Variants in FAT4 observed in about 807,000 individuals in gnomAD.
The protein encoded by FAT4 is FAT atypical cadherin 4.
FAT4 carries 84 observed loss-of-function variants against 303.9 expected under a neutral mutation model. That is an observed-to-expected ratio of 0.28 (90% CI 0.23 to 0.33). The LOEUF is 0.33. FAT4 is among the 10% of genes least tolerant of loss of function. The probability of loss-of-function intolerance (pLI) is 1.00; values close to 1 mark genes in which losing one functional copy is unlikely to be tolerated. For missense variants in FAT4, 6,005 were observed against 6,146.8 expected (o/e 0.98, Z 0.77); for synonymous variants, 2,307 against 2,298.8 (o/e 1.00, Z -0.10).
At position 125,492,736 on chromosome 4, in the gene FAT4, C is replaced by A. The variant is rs988870927; in HGVS notation, c.*968C>A. 1 of 152,298 alleles carries A rather than the reference C, an allele frequency of 6.6e-6. No individual in the cohort carries two copies. Among genetic ancestry groups the A allele is most frequent in the Non-Finnish European group, 1.5e-5 (1 of 67,972 alleles). The allele number at this position is 152,298 out of a possible 1,614,324, so 9.4% of individuals were successfully genotyped here. On this transcript the variant is annotated 3_prime_UTR_variant, in exon 18 of 18. Coordinates refer to ENST00000394329, the MANE Select transcript of FAT4 (RefSeq NM_001291303.3). ...AAATACTGTGTAAAAACTTTTTTTACACCTAAGCTGTGTTTTTGATACTGA... is the reference window on the plus strand; with the variant it reads ...AAATACTGTGTAAAAACTTTTTTTAAACCTAAGCTGTGTTTTTGATACTGA...
intron 2 of FAT4, among the ~76,000 whole-genome samples, chr4:125,368,237 A>C (rs916894060): frequency 2.6e-5 from 4 of 152,072 alleles, no homozygotes; most frequent in Non-Finnish European, 4.4e-5. Flanking sequence ...GAAATAAAGC[A>C]TTTGATTGAA....
At position 125,451,815 on chromosome 4, in the gene FAT4, T is replaced by G; in HGVS notation, c.10805T>G (p.Val3602Gly). Reference sequence around the variant, plus strand: ...CCTCAAATGTCTTCCACAGGAACTGTGCATATCACAGTTATAGACCAAAAT... The same window carrying G: ...CCTCAAATGTCTTCCACAGGAACTGGGCATATCACAGTTATAGACCAAAAT... ...GVPQMSSTGT[V>G]HITVIDQNDN... The change falls in exon 10 of 18, where the codon GTG (valine) becomes GGG (glycine). Residue 3602 changes from valine (V) to glycine (G), a missense_variant. Transcript: ENST00000394329. The G allele has an allele frequency of 6.2e-7, 1 of 1,614,178 alleles. No homozygotes were observed. The highest frequency in any genetic ancestry group is 8.5e-7 in the Non-Finnish European group (1 of 1,180,016).
At chr4:125,471,895 CAAAAAAAAAAAAAAA>C (rs60730341) in intron 12 of FAT4, among the ~76,000 whole-genome samples, 8 of 56,118 alleles carry the variant, frequency 1.4e-4, no homozygotes, top group South Asian at 1.1e-3. Flanking sequence ...ACTAAAAATA[CAAAAAAAAAAAAAAA>C]AAAAAAAAAA....
intron 16 of FAT4, among the ~76,000 whole-genome samples, chr4:125,484,309 G>T (rs1163160554): frequency 6.6e-6 from 1 of 152,084 alleles, no homozygotes; most frequent in Non-Finnish European, 1.5e-5. Context: ...CAAAAGGAAA[G>T]CATAATTGTG....
In FAT4 at chr4:125,320,813, C is replaced by G. The variant is rs373637003; in HGVS notation, c.4402C>G (p.His1468Asp). The G allele has an allele frequency of 6.2e-7, 1 of 1,614,058 alleles. No homozygotes were observed. Among genetic ancestry groups the G allele is most frequent in the Admixed American group, 1.7e-5 (1 of 60,018 alleles). Residue 1468 changes from histidine (H) to aspartate (D), a missense_variant, in exon 2 of 18, where the codon CAC becomes GAC. Coordinates refer to ENST00000394329, the MANE Select transcript of FAT4 (RefSeq NM_001291303.3). ...CATTCAACAGATGCCAAGAGGCAAC[C>G]ACTTTACCATAGATGAAGTCAAAGG... Reference protein sequence around the residue: ...TIIQQMPRGNHFTIDEVKGTI... With the variant: ...TIIQQMPRGNDFTIDEVKGTI...
At chr4:125,358,806 A>T (rs184954962) in intron 2 of FAT4, among the ~76,000 whole-genome samples, 1 of 152,140 alleles carries the variant, frequency 6.6e-6, no homozygotes, top group Admixed American at 6.6e-5. Flanking sequence ...TATGTTTGTG[A>T]AGATTTGATG....
intron 2 of FAT4, among the ~76,000 whole-genome samples, chr4:125,394,802 A>T (rs1349143837): frequency 6.6e-6 from 1 of 152,180 alleles, no homozygotes; most frequent in Non-Finnish European, 1.5e-5. Flanking sequence ...GGCAACAAGG[A>T]AGCAATTTAA....
In FAT4 at chr4:125,451,799, T is replaced by C; in HGVS notation, c.10789T>C (p.Ser3597Pro). The change falls in exon 10 of 18, where the codon TCT (serine) becomes CCT (proline). Residue 3597 changes from serine to proline, a missense_variant. Ser to Pro is a moderately conservative substitution (Grantham distance 74, BLOSUM62 -1). Coordinates refer to ENST00000394329, the MANE Select transcript of FAT4 (RefSeq NM_001291303.3). ...VTKDSGVPQM[S>P]STGTVHITVI... ...CAAGGATTCTGGTGTTCCTCAAATG[T>C]CTTCCACAGGAACTGTGCATATCAC... is the stretch of plus-strand genomic sequence containing the variant. 1 of 1,614,176 alleles carries C rather than the reference T, an allele frequency of 6.2e-7. No individual in the cohort carries two copies. The highest frequency in any genetic ancestry group is 8.5e-7 in the Non-Finnish European group (1 of 1,180,026).
At chr4:125,335,923 A>G (rs1400797053) in intron 2 of FAT4, among the ~76,000 whole-genome samples, 1 of 151,962 alleles carries the variant, frequency 6.6e-6, no homozygotes, top group Non-Finnish European at 1.5e-5. Context: ...AGCACTGCAT[A>G]TTTTCCTAAA....
intron 2 of FAT4, among the ~76,000 whole-genome samples, chr4:125,376,418 C>CACCGGGGCCTGTCGTG (rs544546340): frequency 2.6e-5 from 4 of 151,996 alleles, no homozygotes; most frequent in East Asian, 3.9e-4. Flanking sequence ...AAACATCACA[C>CACCGGGGCCTGTCGTG]ACCGGGGCCT....
chr4:125,354,976 A>G (rs1435018969), intron 2 of FAT4, among the ~76,000 whole-genome samples: 3 of 151,792 alleles, frequency 2.0e-5, no homozygotes, highest in Admixed American at 6.6e-5. Flanking sequence ...ATATTATGAC[A>G]GTTTTTCCTG....
chr4:125,405,231 C>T (rs1734546220), intron 3 of FAT4, among the ~76,000 whole-genome samples: 1 of 151,950 alleles, frequency 6.6e-6, no homozygotes, highest in Non-Finnish European at 1.5e-5. Flanking sequence ...TAGTTTGTTT[C>T]CAAATCATGA....
At chr4:125,419,232 T>A (rs1735188447) in intron 7 of FAT4, among the ~76,000 whole-genome samples, 1 of 152,224 alleles carries the variant, frequency 6.6e-6, no homozygotes, top group Non-Finnish European at 1.5e-5. Flanking sequence ...CATTTCAAGC[T>A]TAGTAAGGCC....
rs189494128 is a variant in FAT4, at chr4:125,341,646, A to C, written c.5175+20060A>C. On this transcript the variant is annotated intron_variant, in intron 2 of 17. Coordinates refer to ENST00000394329, the MANE Select transcript of FAT4 (RefSeq NM_001291303.3). ...TCTTCCTTATCTAAAAATCATTTAC[A>C]TTTACAAATAAGAATATTTTTACCT... Among the ~76,000 whole-genome samples the C allele has an allele frequency of 3.6e-3, 549 of 152,164 alleles. 3 individuals carry two copies. The highest frequency in any genetic ancestry group is 0.012 in the African/African-American group (517 of 41,544).
At chr4:125,377,337 A>G (rs1733371651) in intron 2 of FAT4, among the ~76,000 whole-genome samples, 1 of 152,126 alleles carries the variant, frequency 6.6e-6, no homozygotes, top group Admixed American at 6.5e-5. Flanking sequence ...TTATCAAAAA[A>G]AAACAAAAAG....
Position 125,450,507 on chromosome 4 carries a change from T to C in FAT4, c.9497T>C (p.Ile3166Thr), listed in dbSNP as rs1726018863. Residue 3166 changes from isoleucine to threonine, a missense_variant, in exon 10 of 18, where the codon ATT (isoleucine) becomes ACT (threonine). Ile to Thr is a moderately conservative substitution (Grantham distance 89, BLOSUM62 -1). Transcript: ENST00000394329. ...YELCQKHEMT[I>T]SAIDGGWVAR... is the part of the protein sequence containing the mutation. ...CTATGCCAGAAACACGAAATGACGA[T>C]TAGTGCTATAGATGGAGGATGGGTT... 1 of 1,613,988 alleles carries C rather than the reference T, an allele frequency of 6.2e-7. No homozygotes were observed. Among genetic ancestry groups the C allele is most frequent in the Admixed American group, 1.7e-5 (1 of 59,986 alleles).
chr4:125,323,442 A>G (rs996875365), intron 2 of FAT4, among the ~76,000 whole-genome samples: 2 of 152,208 alleles, frequency 1.3e-5, no homozygotes, highest in African/African-American at 2.4e-5. Context: ...AGTAACACCA[A>G]TATGAAAAGT....
In FAT4 at chr4:125,415,514, G is replaced by A. The variant is rs894755718; in HGVS notation, c.6551G>A (p.Gly2184Asp). The A allele has an allele frequency of 1.2e-6, 2 of 1,614,074 alleles. No individual in the cohort carries two copies. Among genetic ancestry groups the A allele is most frequent in the South Asian group, 2.2e-5 (2 of 91,080 alleles). ...IQVFAADGDE[G>D]TNGQVRYGIV... The stretch of plus-strand genomic sequence containing the variant: ...GTGTTCGCAGCAGATGGAGATGAAG[G>A]CACAAATGGACAGGTTCGCTATGGC... The change falls in exon 6 of 18, where the codon GGC becomes GAC. Residue 2184 changes from glycine to aspartate, a missense_variant. Gly to Asp is a moderately conservative substitution (Grantham distance 94). Coordinates refer to ENST00000394329, the MANE Select transcript of FAT4 (RefSeq NM_001291303.3).
In FAT4 at chr4:125,446,354, A is replaced by G; in HGVS notation, c.7261A>G (p.Thr2421Ala). ...TINPSTGQIITSALLDRETKD... is the reference protein window; with the variant it reads ...TINPSTGQIIASALLDRETKD... ...CAACCCATCGACAGGACAAATCATC[A>G]CCAGCGCATTGTTAGATAGGGAAAC... The change falls in exon 9 of 18, where the codon ACC becomes GCC. Residue 2421 changes from threonine to alanine, a missense_variant. Physicochemically the swap from Thr to Ala is moderately conservative, Grantham distance 58 (BLOSUM62 0). Coordinates refer to ENST00000394329, the MANE Select transcript of FAT4 (RefSeq NM_001291303.3). The G allele has an allele frequency of 6.2e-7, 1 of 1,613,228 alleles. No individual in the cohort carries two copies. The highest frequency in any genetic ancestry group is 1.1e-5 in the South Asian group (1 of 91,058).
Sources: gnomAD v4.1 joint callset for allele counts (sites outside exome capture counted in the v4.1 genomes callset) on GRCh38, gnomAD v4.1.1 for gene constraint, MANE v1.5 for transcripts, NCBI Gene and HGNC (gene_info 2026-07-23, HGNC 2026-07-21) for gene names.